The following TPST1 variants were observed in gnomAD, a reference collection of about 807,000 sequenced individuals.
TPST1 encodes the protein protein-tyrosine sulfotransferase 1.
A neutral mutation model predicts 34.8 loss-of-function variants in TPST1; 20 were observed. The observed-to-expected ratio is 0.57, with a 90% confidence interval of 0.40 to 0.84. TPST1 has a LOEUF of 0.84. TPST1 is among the 40% of genes least tolerant of loss of function. TPST1 has a pLI of 0.00. For missense variants in TPST1, 353 were observed against 455.5 expected, an observed-to-expected ratio of 0.78 and a Z score of 2.05; for synonymous variants, 152 against 159.4, an observed-to-expected ratio of 0.95 and a Z score of 0.35.
At chr7:66,314,113 C>G (rs926873235) in intron 3 of TPST1, among the ~76,000 whole-genome samples, 7 of 152,178 alleles carry the variant, frequency 4.6e-5, no homozygotes, top group African/African-American at 1.4e-4. Context: ...GTTTCATTCT[C>G]AAGGTATCCA....
At chr7:66,301,954 T>TA (rs369349698) in intron 3 of TPST1, among the ~76,000 whole-genome samples, 1 of 152,196 alleles carries the variant, frequency 6.6e-6, no homozygotes, top group Non-Finnish European at 1.5e-5. Context: ...CTTCAATTTG[T>TA]AAAAAACACA....
At chr7:66,237,278 A>G (rs1026081691) in intron 1 of TPST1, among the ~76,000 whole-genome samples, 8 of 152,362 alleles carry the variant, frequency 5.3e-5, no homozygotes, top group African/African-American at 1.9e-4. Flanking sequence ...CTGAATGAGT[A>G]GATGAGGTGG....
intron 5 of TPST1, among the ~76,000 whole-genome samples, chr7:66,358,788 A>C (rs546940196): frequency 6.6e-6 from 1 of 152,332 alleles, no homozygotes; most frequent in East Asian, 1.9e-4. Context: ...AAATGCTTTC[A>C]AACTTCATAG....
chr7:66,274,553 C>T (rs925372419), intron 2 of TPST1, among the ~76,000 whole-genome samples: 3 of 152,040 alleles, frequency 2.0e-5, no homozygotes, highest in African/African-American at 7.2e-5. Context: ...GATTTGACCT[C>T]AAAAGCACTG....
At chr7:66,279,573 G>C (rs1173651182) in intron 2 of TPST1, among the ~76,000 whole-genome samples, 1 of 151,974 alleles carries the variant, frequency 6.6e-6, no homozygotes, top group Non-Finnish European at 1.5e-5. Flanking sequence ...TCTTTGTTTT[G>C]TTTTGTTTTA....
chr7:66,313,284 A>G (rs961949267), intron 3 of TPST1, among the ~76,000 whole-genome samples: 1 of 152,054 alleles, frequency 6.6e-6, no homozygotes, highest in Non-Finnish European at 1.5e-5. Context: ...GTGTGGTGGC[A>G]TGTGCCTATA....
At chr7:66,357,500 A>G (rs1034787357) in intron 5 of TPST1, among the ~76,000 whole-genome samples, 2 of 152,146 alleles carry the variant, frequency 1.3e-5, no homozygotes, top group Non-Finnish European at 2.9e-5. Context: ...TGAGTAACCT[A>G]TATTGTCTCA....
intron 3 of TPST1, among the ~76,000 whole-genome samples, chr7:66,335,908 G>A (rs575426061): frequency 6.6e-6 from 1 of 152,284 alleles, no homozygotes; most frequent in South Asian, 2.1e-4. Flanking sequence ...AAAACTTAGG[G>A]AAATATGACA....
chr7:66,226,241 G>A (rs1473090987), intron 1 of TPST1, among the ~76,000 whole-genome samples: 1 of 152,076 alleles, frequency 6.6e-6, no homozygotes, highest in Non-Finnish European at 1.5e-5. Context: ...GCTCTGCTAA[G>A]TATGCTCTGG....
intron 3 of TPST1, among the ~76,000 whole-genome samples, chr7:66,308,909 T>G (rs1353768637): frequency 6.6e-6 from 1 of 152,164 alleles, no homozygotes; most frequent in Non-Finnish European, 1.5e-5. Context: ...TGAATAAATT[T>G]TATTTTGAGA....
At chr7:66,341,569 G>A (rs577660548) in intron 3 of TPST1, among the ~76,000 whole-genome samples, 3 of 152,114 alleles carry the variant, frequency 2.0e-5, no homozygotes, top group African/African-American at 7.2e-5. Flanking sequence ...GTGAGCCACC[G>A]CACTCAGCCT....
At chr7:66,243,610 A>ATTTTTTTTTTT (rs10627680) in intron 2 of TPST1, among the ~76,000 whole-genome samples, 7 of 123,356 alleles carry the variant, frequency 5.7e-5, no homozygotes, top group Admixed American at 8.7e-5. Context: ...TGCCCAGCTA[A>ATTTTTTTTTTT]TTTTTTTTTT....
At chr7:66,307,216 CA>C (rs1438747987) in intron 3 of TPST1, among the ~76,000 whole-genome samples, 1 of 151,276 alleles carries the variant, frequency 6.6e-6, no homozygotes, top group Non-Finnish European at 1.5e-5. Flanking sequence ...CTCCCGGGTT[CA>C]TGCCATTCTC....
chr7:66,357,180 G>A (rs1236370891), intron 5 of TPST1, among the ~76,000 whole-genome samples: 3 of 152,320 alleles, frequency 2.0e-5, no homozygotes, highest in Middle Eastern at 3.4e-3. Context: ...TATTTCAGCT[G>A]AAAGGGACCT....
intron 1 of TPST1, among the ~76,000 whole-genome samples, chr7:66,218,221 T>C (rs1440325233): frequency 6.6e-6 from 1 of 152,162 alleles, no homozygotes; most frequent in Non-Finnish European, 1.5e-5. Context: ...CGTGTAGCCT[T>C]TTCTGAGCCT....
At chr7:66,313,064 A>G (rs1472227784) in intron 3 of TPST1, among the ~76,000 whole-genome samples, 3 of 152,092 alleles carry the variant, frequency 2.0e-5, no homozygotes, top group African/African-American at 7.2e-5. Context: ...CTGAAAAAAA[A>G]AAAAAAATCC....
At chr7:66,352,919 C>T in intron 4 of TPST1, 1 of 985,436 alleles carries the variant, frequency 1.0e-6, no homozygotes, top group African/African-American at 1.7e-5. Context: ...TCTGTTCCTA[C>T]TCTGTGTACT....
intron 1 of TPST1, among the ~76,000 whole-genome samples, chr7:66,231,324 T>C (rs950169278): frequency 1.3e-5 from 2 of 152,206 alleles, no homozygotes; most frequent in African/African-American, 2.4e-5. Context: ...CGGGGCTGCA[T>C]GTGGAGCTGC....
intron 1 of TPST1, among the ~76,000 whole-genome samples, chr7:66,225,955 C>T (rs1042408097): frequency 2.0e-5 from 3 of 150,934 alleles, no homozygotes; most frequent in African/African-American, 4.9e-5. Flanking sequence ...GGTGTGATCT[C>T]GGCTCACTGC....
Sources: allele counts gnomAD v4.1 joint callset (sites outside exome capture counted in the v4.1 genomes callset), GRCh38; gene constraint gnomAD v4.1.1; transcripts MANE v1.5; gene names NCBI Gene and HGNC (gene_info 2026-07-23, HGNC 2026-07-21).